The following CDK14 variants were observed in gnomAD, a reference collection of about 807,000 sequenced individuals.
The protein encoded by CDK14 is cyclin-dependent kinase 14.
Under a neutral mutation model 60.7 loss-of-function variants are expected in CDK14, and 34 were observed. That is an observed-to-expected ratio of 0.56 (90% CI 0.43 to 0.75). The LOEUF is 0.75. Ranked by LOEUF, CDK14 falls within the 30% of genes least tolerant of loss-of-function variation. The pLI, the probability that CDK14 is intolerant of heterozygous loss-of-function variation, is 0.00. For missense variants in CDK14, 482 were observed against 564.1 expected (o/e 0.85, Z 1.47); for synonymous variants, 197 against 203.7 (o/e 0.97, Z 0.28).
intron 7 of CDK14, among the ~76,000 whole-genome samples, chr7:90,907,430 A>G (rs530132555): frequency 6.6e-6 from 1 of 152,152 alleles, no homozygotes; most frequent in African/African-American, 2.4e-5. Flanking sequence ...AGCATGAGAG[A>G]CTGAAAATTA....
chr7:90,619,179 T>A (rs1321122393), intron 2 of CDK14, among the ~76,000 whole-genome samples: 2 of 152,168 alleles, frequency 1.3e-5, no homozygotes, highest in East Asian at 3.8e-4. Flanking sequence ...CACTTCAATA[T>A]TACGTTTATC....
chr7:91,013,442 T>C (rs979353197), intron 10 of CDK14, among the ~76,000 whole-genome samples: 1 of 152,216 alleles, frequency 6.6e-6, no homozygotes, highest in Non-Finnish European at 1.5e-5. Flanking sequence ...GCCCTGAAAC[T>C]GAGTCAAGAT....
chr7:90,815,071 G>A (rs1252134421), intron 5 of CDK14, among the ~76,000 whole-genome samples: 2 of 151,790 alleles, frequency 1.3e-5, no homozygotes, highest in Non-Finnish European at 2.9e-5. Flanking sequence ...TGTTTTATTT[G>A]TGTACACTTA....
At chr7:91,189,302 G>T (rs1802282420) in intron 14 of CDK14, among the ~76,000 whole-genome samples, 1 of 152,084 alleles carries the variant, frequency 6.6e-6, no homozygotes, top group African/African-American at 2.4e-5. Context: ...CAATTAAGGG[G>T]TCAGCAGTTC....
chr7:90,934,518 CA>C (rs1278163936), intron 8 of CDK14, among the ~76,000 whole-genome samples: 1 of 152,200 alleles, frequency 6.6e-6, no homozygotes, highest in East Asian at 1.9e-4. Flanking sequence ...GCTCCTTTTG[CA>C]GTGAACTTTA....
intron 8 of CDK14, among the ~76,000 whole-genome samples, chr7:90,922,652 A>G (rs1241424533): frequency 6.6e-6 from 1 of 152,206 alleles, no homozygotes; most frequent in Non-Finnish European, 1.5e-5. Flanking sequence ...ATCTTGAAAC[A>G]TCAGTTACCT....
chr7:90,808,469 C>A lies in CDK14; in HGVS notation c.544+17817C>A, dbSNP rs113125132. 4.6e-3 allele frequency among the ~76,000 whole-genome samples: 702 copies of A among 152,244 alleles called. 9 individuals are homozygous for A. The highest frequency in any genetic ancestry group is 0.016 in the African/African-American group (671 of 41,542). On this transcript the variant is annotated intron_variant, in intron 5 of 14. Coordinates refer to ENST00000380050, the MANE Select transcript of CDK14 (RefSeq NM_001287135.2). The stretch of plus-strand genomic sequence containing the variant: ...CATACAAGAGACCCTGAAGGAAGCA[C>A]TAAACATAGAAAGGAACAACTGGTA...
chr7:91,209,794 C>T lies in CDK14; in HGVS notation c.*2658C>T, dbSNP rs1399145594. The T allele has an allele frequency of 6.6e-6, 1 of 152,502 alleles. No individual in the cohort carries two copies. The highest frequency in any genetic ancestry group is 1.9e-4 in the East Asian group (1 of 5,192). The allele number at this position is 152,502 out of a possible 1,614,324, so 9.4% of individuals were successfully genotyped here. Reference sequence around the variant, plus strand: ...GATGTGAAAAAAAATGTTTGCAGTACTCAGCAAAAAATAGGGTACATAAAG... The same window carrying T: ...GATGTGAAAAAAAATGTTTGCAGTATTCAGCAAAAAATAGGGTACATAAAG... On this transcript the variant is annotated 3_prime_UTR_variant, in exon 15 of 15. Transcript: ENST00000380050.
intron 3 of CDK14, among the ~76,000 whole-genome samples, chr7:90,735,182 A>T (rs192015638): frequency 1.3e-5 from 2 of 152,252 alleles, no homozygotes; most frequent in Non-Finnish European, 2.9e-5. Flanking sequence ...TTCGTCTGGA[A>T]GCTTCATCCC....
At chr7:90,741,163 C>T (rs180820760) in intron 3 of CDK14, among the ~76,000 whole-genome samples, 60 of 152,290 alleles carry the variant, frequency 3.9e-4, no homozygotes, top group African/African-American at 1.4e-3. Flanking sequence ...TTTCTTGAAG[C>T]ACTTACTAAT....
At chr7:90,778,331 A>G (rs1441215149) in intron 4 of CDK14, among the ~76,000 whole-genome samples, 2 of 152,228 alleles carry the variant, frequency 1.3e-5, no homozygotes, top group African/African-American at 2.4e-5. Context: ...ATCCCAATTC[A>G]GTTTATCCTA....
At chr7:90,876,403 A>T (rs1791564564) in intron 6 of CDK14, among the ~76,000 whole-genome samples, 1 of 152,208 alleles carries the variant, frequency 6.6e-6, no homozygotes, top group Non-Finnish European at 1.5e-5. Context: ...AGGGGCAGTT[A>T]TCTGTATAAG....
intron 8 of CDK14, among the ~76,000 whole-genome samples, chr7:90,948,000 A>C (rs983817403): frequency 6.6e-6 from 1 of 152,194 alleles, no homozygotes; most frequent in Non-Finnish European, 1.5e-5. Flanking sequence ...ACACATATAG[A>C]TACATACTTG....
intron 9 of CDK14, among the ~76,000 whole-genome samples, chr7:90,976,040 T>G (rs553087784): frequency 2.0e-5 from 3 of 152,282 alleles, no homozygotes; most frequent in African/African-American, 7.2e-5. Flanking sequence ...TTTCTTTTCC[T>G]TTGGATAAAT....
At chr7:91,089,857 C>A (rs767446383) in intron 12 of CDK14, among the ~76,000 whole-genome samples, 5 of 152,144 alleles carry the variant, frequency 3.3e-5, no homozygotes, top group Non-Finnish European at 7.4e-5. Context: ...AAGATAAATA[C>A]AAATGGAATT....
intron 8 of CDK14, among the ~76,000 whole-genome samples, chr7:90,920,768 A>G (rs958748463): frequency 1.3e-5 from 2 of 152,242 alleles, no homozygotes; most frequent in Non-Finnish European, 2.9e-5. Flanking sequence ...TATGCATCAC[A>G]TAATTTAAAG....
intron 10 of CDK14, among the ~76,000 whole-genome samples, chr7:91,003,535 T>G (rs1795898471): frequency 6.6e-6 from 1 of 152,226 alleles, no homozygotes; most frequent in African/African-American, 2.4e-5. Flanking sequence ...CTGTGCTGCA[T>G]GAAGTCCTTC....
chr7:91,088,722 C>T (rs1798714487), intron 12 of CDK14, among the ~76,000 whole-genome samples: 1 of 152,110 alleles, frequency 6.6e-6, no homozygotes, highest in Non-Finnish European at 1.5e-5. Flanking sequence ...TGCTAGTCCT[C>T]AGCTGTATTT....
chr7:90,911,668 C>G (rs1158038688), intron 7 of CDK14, among the ~76,000 whole-genome samples: 2 of 152,064 alleles, frequency 1.3e-5, no homozygotes, highest in African/African-American at 2.4e-5. Context: ...AGAAAAAGAG[C>G]ATCTGACCTC....
Sources: allele counts gnomAD v4.1 joint callset (sites outside exome capture counted in the v4.1 genomes callset), GRCh38; gene constraint gnomAD v4.1.1; transcripts MANE v1.5; gene names NCBI Gene and HGNC (gene_info 2026-07-23, HGNC 2026-07-21).